Variants in LRBA observed in about 807,000 individuals in gnomAD.
LRBA encodes LPS responsive beige-like anchor protein, also known as lipopolysaccharide-responsive and beige-like anchor protein.
A neutral mutation model predicts 330.0 loss-of-function variants in LRBA; 176 were observed. The ratio of observed to expected loss-of-function variants is 0.53; its 90% CI spans 0.47 to 0.60. The LOEUF (loss-of-function observed/expected upper bound fraction) is 0.60. LRBA is among the 20% of genes least tolerant of loss of function. The pLI, the probability that LRBA is intolerant of heterozygous loss-of-function variation, is 0.00. For synonymous variants in LRBA, 1,230 were observed against 1,193.0 expected (o/e 1.03, Z -0.64); for missense variants, 3,259 against 3,444.8 (o/e 0.95, Z 1.35).
chr4:150,265,981 G>A (rs1745264461), intron 56 of LRBA, among the ~76,000 whole-genome samples, 169 bp from the exon 57 acceptor site: 1 of 152,152 alleles, frequency 6.6e-6, no homozygotes, highest in Non-Finnish European at 1.5e-5. Context: ...CCCTGAGTAA[G>A]CTCAGAGTAC....
In LRBA at chr4:150,837,153, G is replaced by T. The variant is rs539070709; in HGVS notation, c.4570-5177C>A. Among the ~76,000 whole-genome samples, 9 of 152,158 alleles carry T rather than the reference G, an allele frequency of 5.9e-5. No individual in the cohort carries two copies. The South Asian group carries it at 1.0e-3, about 18-fold the overall frequency. ...GTTCTAGTTTGATTGCACTGTGGTCGGAGAGATGGTTTGTTATAATTTCTG... is the reference window on the plus strand; with the variant it reads ...GTTCTAGTTTGATTGCACTGTGGTCTGAGAGATGGTTTGTTATAATTTCTG... On this transcript the variant is annotated intron_variant, in intron 28 of 56. Coordinates refer to ENST00000651943, the MANE Select transcript of LRBA (RefSeq NM_001364905.1).
At chr4:150,841,533 A>T (rs542977677) in intron 28 of LRBA, among the ~76,000 whole-genome samples, 1 of 152,382 alleles carries the variant, frequency 6.6e-6, no homozygotes, top group East Asian at 1.9e-4. Context: ...TATGTAAAAA[A>T]GCAAATCTGA....
chr4:150,799,252 A>G (rs1220878615), intron 33 of LRBA, among the ~76,000 whole-genome samples: 1 of 152,230 alleles, frequency 6.6e-6, no homozygotes, highest in African/African-American at 2.4e-5. Flanking sequence ...TAACAGTGTC[A>G]GCACTGGCAA....
chr4:150,534,340 TATAATAATAATAATA>T (rs36206816), intron 40 of LRBA, among the ~76,000 whole-genome samples: 203 of 143,760 alleles, frequency 1.4e-3, no homozygotes, highest in South Asian at 2.6e-3. Flanking sequence ...AAACTTGAAG[TATAATAATAATAATA>T]ATAATAATAA....
At chr4:150,683,772 C>A in intron 36 of LRBA, 55 bp from the exon 37 acceptor site, 1 of 1,335,354 alleles carries the variant, frequency 7.5e-7, no homozygotes, top group South Asian at 1.5e-5. Context: ...CCTTTAAAAT[C>A]CATTATGAAA....
chr4:150,366,032 AGATTTT>A (rs1739425678), intron 47 of LRBA, among the ~76,000 whole-genome samples: 1 of 152,194 alleles, frequency 6.6e-6, no homozygotes, highest in East Asian at 1.9e-4. Context: ...AATATTGATT[AGATTTT>A]TTTATTTTAA....
intron 40 of LRBA, chr4:150,584,071 G>A: frequency 1.3e-6 from 2 of 1,561,960 alleles, no homozygotes; most frequent in Non-Finnish European, 1.7e-6. Flanking sequence ...GTTGGCCAGG[G>A]AAATTCTCAC....
intron 40 of LRBA, among the ~76,000 whole-genome samples, chr4:150,553,175 G>A (rs970014992): frequency 5.9e-5 from 9 of 152,140 alleles, no homozygotes; most frequent in African/African-American, 9.7e-5. Context: ...TAGGGACATG[G>A]ATGAAGCTGG....
chr4:151,008,969 CAAAAAAAA>C (rs1216990774), intron 2 of LRBA, among the ~76,000 whole-genome samples: 10 of 1,888 alleles, frequency 5.3e-3, no homozygotes, highest in Non-Finnish European at 6.2e-3. Context: ...GACTCCATCT[CAAAAAAAA>C]AAAAAAAAAA....
intron 47 of LRBA, among the ~76,000 whole-genome samples, chr4:150,405,832 A>T (rs1336215366): frequency 6.6e-6 from 1 of 152,082 alleles, no homozygotes; most frequent in African/African-American, 2.4e-5. Context: ...AGATAAGAGG[A>T]TTGCTTGAGG....
intron 53 of LRBA, among the ~76,000 whole-genome samples, chr4:150,289,423 G>C (rs1473057910): frequency 6.6e-6 from 1 of 152,012 alleles, no homozygotes; most frequent in South Asian, 2.1e-4. Flanking sequence ...CCCGGAAGCA[G>C]GTTAGACAGT....
In LRBA at chr4:150,844,793, T is replaced by C; in HGVS notation, c.4340-14A>G. On this transcript the variant is annotated splice_polypyrimidine_tract_variant and intron_variant, in intron 26 of 56. Transcript: ENST00000651943. Reference sequence around the variant, plus strand: ...CGACTGCACAAACTGTAATTTATTTTAAGGAAAAGATAGGGAAAGAAAAGT... The same window carrying C: ...CGACTGCACAAACTGTAATTTATTTCAAGGAAAAGATAGGGAAAGAAAAGT... 6.2e-7 allele frequency: 1 copy of C among 1,606,088 alleles called. No homozygotes were observed. The highest frequency in any genetic ancestry group is 1.3e-5 in the African/African-American group (1 of 74,752).
intron 52 of LRBA, among the ~76,000 whole-genome samples, chr4:150,307,892 C>A (rs1184090906): frequency 2.0e-5 from 3 of 152,086 alleles, no homozygotes; most frequent in Non-Finnish European, 4.4e-5. Flanking sequence ...CTTTCCTACA[C>A]CTACAGAATA....
chr4:150,574,958 A>G (rs992287408), intron 40 of LRBA, among the ~76,000 whole-genome samples: 6 of 152,022 alleles, frequency 3.9e-5, no homozygotes, highest in African/African-American at 1.2e-4. Context: ...CTACAGGTCA[A>G]AGATTTTCTA....
chr4:150,334,703 G>A (rs1172090788), intron 48 of LRBA, among the ~76,000 whole-genome samples: 1 of 150,814 alleles, frequency 6.6e-6, no homozygotes, highest in Non-Finnish European at 1.5e-5. Context: ...CTTACACAAA[G>A]CATGTATTAT....
chr4:150,607,054 T>C (rs1774717904), intron 37 of LRBA, among the ~76,000 whole-genome samples: 1 of 152,110 alleles, frequency 6.6e-6, no homozygotes, highest in Admixed American at 6.5e-5. Flanking sequence ...GGCATGGAAA[T>C]GTAAAAGGGC....
chr4:150,735,427 T>C (rs1397741708), intron 35 of LRBA, 61 bp from the exon 36 acceptor site: 2 of 1,089,738 alleles, frequency 1.8e-6, no homozygotes, highest in Non-Finnish European at 2.8e-6. Context: ...AAATGATTAT[T>C]CACTGCTTAC....
rs569441607 is a variant in LRBA, at chr4:150,321,398, T to A, written c.7453-30A>T. ...AGGAGGAGATACTGTTGAGTGGGCA[T>A]GACAAGACCCAAATAGACAAGAAGG... On this transcript the variant is annotated intron_variant, in intron 49 of 56. Transcript: ENST00000651943. The surrounding 1 kb of genome is among the most constrained non-coding windows in gnomAD (Gnocchi z 4.5). 280 of 1,521,320 alleles carry A rather than the reference T, an allele frequency of 1.8e-4. 5 individuals carry two copies. In the South Asian group the frequency reaches 3.4e-3, roughly 19 times the overall value. The allele number at this position is 1,521,320 out of a possible 1,614,324, so 94.2% of individuals were successfully genotyped here.
intron 47 of LRBA, among the ~76,000 whole-genome samples, chr4:150,380,348 T>G (rs572129013): frequency 6.6e-6 from 1 of 152,154 alleles, no homozygotes. Flanking sequence ...GTTAAGAATT[T>G]TTCTTTCCCC....
Sources: gnomAD v4.1 joint callset for allele counts (sites outside exome capture counted in the v4.1 genomes callset) on GRCh38, gnomAD v4.1.1 for gene constraint, Gnocchi (gnomAD v3.1) non-coding constraint, MANE v1.5 for transcripts, NCBI Gene and HGNC (gene_info 2026-07-23, HGNC 2026-07-21) for gene names.